GRM8: variants seen among roughly 807,000 people sequenced by gnomAD.
The protein encoded by GRM8 is metabotropic glutamate receptor 8.
In GRM8, 47 loss-of-function variants were observed where a neutral mutation model predicts 87.2. The observed-to-expected ratio is 0.54, with a 90% CI of 0.43 to 0.69. The LOEUF (loss-of-function observed/expected upper bound fraction) is 0.69. Ranked by LOEUF, GRM8 falls within the 30% of genes least tolerant of loss-of-function variation. GRM8 has a pLI of 0.00. For synonymous variants in GRM8, 396 were observed against 404.5 expected (o/e 0.98, Z 0.25); for missense variants, 1,019 against 1,139.2 (o/e 0.89, Z 1.52).
chr7:127,164,988 C>A (rs548709226), intron 2 of GRM8, among the ~76,000 whole-genome samples: 7 of 151,338 alleles, frequency 4.6e-5, no homozygotes. Flanking sequence ...ATTCAGTCAA[C>A]GTTAGGTACT....
chr7:127,209,655 G>A (rs1796107627), intron 2 of GRM8, among the ~76,000 whole-genome samples: 1 of 152,136 alleles, frequency 6.6e-6, no homozygotes, highest in African/African-American at 2.4e-5. Context: ...ATGCACCCAA[G>A]GGGAAATCCC....
chr7:127,234,896 C>T (rs143687569), intron 2 of GRM8, among the ~76,000 whole-genome samples: 1 of 152,260 alleles, frequency 6.6e-6, no homozygotes, highest in Non-Finnish European at 1.5e-5. Flanking sequence ...GTGTTAAAAC[C>T]GCTGCAGTCT....
Position 126,479,331 on chromosome 7 carries a change from T to A in GRM8, c.2431-32959A>T, listed in dbSNP as rs75684779. Among the ~76,000 whole-genome samples the A allele has an allele frequency of 3.3e-4, 50 of 152,238 alleles. 1 individual carries two copies. The highest frequency in any genetic ancestry group is 1.2e-3 in the African/African-American group (49 of 41,574). Reference sequence around the variant, plus strand: ...GAGCTTTGCAACCATAAATGTAATCTAATTTTAGAATATTTTATTCTCCCT... The same window carrying A: ...GAGCTTTGCAACCATAAATGTAATCAAATTTTAGAATATTTTATTCTCCCT... On this transcript the variant is annotated intron_variant, in intron 9 of 10. Transcript: ENST00000339582.
At chr7:126,726,750 A>G (rs1315618729) in intron 7 of GRM8, among the ~76,000 whole-genome samples, 1 of 152,190 alleles carries the variant, frequency 6.6e-6, no homozygotes. Flanking sequence ...CTTACTGCAG[A>G]GCTATACAAA....
At chr7:126,566,390 G>A (rs1794217600) in intron 8 of GRM8, among the ~76,000 whole-genome samples, 1 of 152,088 alleles carries the variant, frequency 6.6e-6, no homozygotes, top group Admixed American at 6.6e-5. Context: ...ATCCAAAGAA[G>A]ATCTACAAAT....
At chr7:126,520,539 T>C (rs1180540714) in intron 9 of GRM8, among the ~76,000 whole-genome samples, 1 of 151,962 alleles carries the variant, frequency 6.6e-6, no homozygotes, top group Non-Finnish European at 1.5e-5. Flanking sequence ...GTCAAGGGAA[T>C]AGTGCCTGGG....
At chr7:127,219,531 T>A (rs1272940778) in intron 2 of GRM8, 3 of 152,100 alleles carry the variant, frequency 2.0e-5, no homozygotes, top group African/African-American at 7.2e-5. Context: ...AGATTCGAAA[T>A]CCTGTTCCAG....
intron 8 of GRM8, among the ~76,000 whole-genome samples, chr7:126,559,424 C>T (rs775523375): frequency 1.3e-5 from 2 of 152,162 alleles, no homozygotes; most frequent in East Asian, 1.9e-4. Flanking sequence ...CCACCCACCT[C>T]GGCCTCTCAA....
chr7:126,720,749 A>G (rs1002460234), intron 7 of GRM8, among the ~76,000 whole-genome samples: 2 of 152,202 alleles, frequency 1.3e-5, no homozygotes, highest in Non-Finnish European at 2.9e-5. Flanking sequence ...ATATATTAAT[A>G]CTTCCTCGAC....
intron 7 of GRM8, among the ~76,000 whole-genome samples, chr7:126,691,548 C>A (rs1808812743): frequency 6.6e-6 from 1 of 152,190 alleles, no homozygotes; most frequent in Non-Finnish European, 1.5e-5. Flanking sequence ...GCCCTGGCCA[C>A]ACCTCCCCTA....
At chr7:127,067,691 G>T (rs1411074410) in intron 3 of GRM8, among the ~76,000 whole-genome samples, 2 of 152,044 alleles carry the variant, frequency 1.3e-5, no homozygotes, top group African/African-American at 4.8e-5. Flanking sequence ...TGCATTCAAT[G>T]CAAGAAATTA....
intron 2 of GRM8, among the ~76,000 whole-genome samples, chr7:127,116,613 G>A (rs959518291): frequency 3.9e-5 from 6 of 152,218 alleles, no homozygotes; most frequent in Non-Finnish European, 7.3e-5. Context: ...AAGGGACAGG[G>A]CAAGCTTCCC....
intron 7 of GRM8, among the ~76,000 whole-genome samples, chr7:126,711,345 A>G (rs1169264158): frequency 6.6e-6 from 1 of 152,198 alleles, no homozygotes; most frequent in Non-Finnish European, 1.5e-5. Context: ...ATTTTCAATG[A>G]GCATTAATGT....
chr7:126,955,654 T>C (rs935469570), intron 3 of GRM8, among the ~76,000 whole-genome samples: 4 of 152,168 alleles, frequency 2.6e-5, no homozygotes, highest in Non-Finnish European at 4.4e-5. Flanking sequence ...AAGAGATTAA[T>C]TATTCCTGTC....
chr7:126,946,341 C>T (rs749574970), intron 3 of GRM8, among the ~76,000 whole-genome samples: 2 of 152,122 alleles, frequency 1.3e-5, no homozygotes, highest in African/African-American at 2.4e-5. Context: ...CCCATCTCTA[C>T]AAAATATTAC....
Position 127,074,569 on chromosome 7 carries a change from C to T in GRM8, c.727+31927G>A, listed in dbSNP as rs10278569. 3.1e-3 allele frequency among the ~76,000 whole-genome samples: 471 copies of T among 152,250 alleles called. 4 individuals are homozygous for T. The highest frequency in any genetic ancestry group is 0.011 in the African/African-American group (457 of 41,548). On this transcript the variant is annotated intron_variant, in intron 3 of 10. Transcript: ENST00000339582. ...CTTGGAACTGGCTCACAATAACCCA[C>T]GCTATCATTTGAAATGAGAAGATGA... is the stretch of plus-strand genomic sequence containing the variant.
At chr7:126,620,935 GC>G (rs1800100909) in intron 7 of GRM8, among the ~76,000 whole-genome samples, 1 of 152,018 alleles carries the variant, frequency 6.6e-6, no homozygotes, top group South Asian at 2.1e-4. Context: ...CTCCCCTCAT[GC>G]TACCAAAACC....
intron 8 of GRM8, among the ~76,000 whole-genome samples, chr7:126,594,888 C>T (rs1797016286): frequency 6.6e-6 from 1 of 152,072 alleles, no homozygotes; most frequent in African/African-American, 2.4e-5. Flanking sequence ...TGAGACAAGA[C>T]ATCACTCTAC....
intron 7 of GRM8, among the ~76,000 whole-genome samples, chr7:126,752,368 T>C (rs1816523768): frequency 6.6e-6 from 1 of 152,164 alleles, no homozygotes; most frequent in Non-Finnish European, 1.5e-5. Flanking sequence ...TGTAGTTTGC[T>C]ATGCTATACT....
Sources: allele counts gnomAD v4.1 joint callset (sites outside exome capture counted in the v4.1 genomes callset), GRCh38; gene constraint gnomAD v4.1.1; transcripts MANE v1.5; gene names NCBI Gene and HGNC (gene_info 2026-07-23, HGNC 2026-07-21).